The following DUSP22 variants were observed in gnomAD, a reference collection of about 807,000 sequenced individuals.
DUSP22 encodes dual specificity phosphatase 22.
Under a neutral mutation model 24.5 loss-of-function variants are expected in DUSP22, and 24 were observed. The ratio of observed to expected loss-of-function variants is 0.98; its 90% CI spans 0.71 to 1.38. The LOEUF (loss-of-function observed/expected upper bound fraction) is 1.38. Ranked by LOEUF, DUSP22 falls within the 40% of genes most tolerant of loss-of-function variation. The pLI, the probability that DUSP22 is intolerant of heterozygous loss-of-function variation, is 0.00. For synonymous variants in DUSP22, 160 were observed against 106.4 expected (o/e 1.50, Z -3.10); for missense variants, 330 against 269.2 (o/e 1.23, Z -1.58).
intron 4 of DUSP22, 89 bp downstream of exon 4, chr6:335,252 G>A (rs113060681): frequency 5.3e-5 from 81 of 1,527,196 alleles, no homozygotes; most frequent in Admixed American, 3.8e-4. Context: ...CTGTGAAGTT[G>A]TCAGAGCTCA....
chr6:319,225 G>GA (rs1169968999), intron 3 of DUSP22, among the ~76,000 whole-genome samples: 2 of 152,308 alleles, frequency 1.3e-5, no homozygotes, highest in Non-Finnish European at 2.9e-5. Flanking sequence ...AGAAAGAAGG[G>GA]AAGGGGGTCT....
chr6:332,905 C>G (rs1581179430), intron 3 of DUSP22, among the ~76,000 whole-genome samples: 1 of 152,296 alleles, frequency 6.6e-6, no homozygotes, highest in Admixed American at 6.5e-5. Flanking sequence ...ATTTCACAAG[C>G]TTCTGGACTG....
At chr6:345,451 C>A (rs1443998030) in intron 4 of DUSP22, among the ~76,000 whole-genome samples, 1 of 152,300 alleles carries the variant, frequency 6.6e-6, no homozygotes. Flanking sequence ...CTCAAGTGAT[C>A]CGCCTGCCTC....
intron 3 of DUSP22, among the ~76,000 whole-genome samples, chr6:321,697 A>T (rs904722103): frequency 2.6e-5 from 4 of 152,286 alleles, no homozygotes; most frequent in Non-Finnish European, 5.9e-5. Context: ...AAAAGAAAAA[A>T]TAATAATAAT....
intron 1 of DUSP22, among the ~76,000 whole-genome samples, chr6:295,821 C>G (rs201518299): frequency 6.7e-6 from 1 of 149,960 alleles, no homozygotes; most frequent in Admixed American, 6.7e-5. Flanking sequence ...AAAAAAAACC[C>G]AACAACAACA....
intron 4 of DUSP22, among the ~76,000 whole-genome samples, chr6:342,244 T>G (rs1759641347): frequency 6.6e-6 from 1 of 152,300 alleles, no homozygotes; most frequent in South Asian, 2.1e-4. Context: ...ATTTCTAGAT[T>G]TGCTTTTGCT....
rs977468383 is a variant in DUSP22, at chr6:292,487, A to G, written c.-53A>G. ...CCGCTCCTCCTCCCTGTAACATGCC[A>G]TAGTGCGCCTGCGACCACACGGCCG... On this transcript the variant is annotated 5_prime_UTR_variant, in exon 1 of 7. Coordinates refer to ENST00000419235, the MANE Select transcript of DUSP22 (RefSeq NM_001286555.3). The G allele has an allele frequency of 1.8e-5, 28 of 1,583,870 alleles. No homozygotes were observed. The African/African-American group carries it at 2.7e-4, about 15-fold the overall frequency.
intron 3 of DUSP22, among the ~76,000 whole-genome samples, chr6:328,322 C>T (rs1398936806): frequency 6.6e-6 from 1 of 152,310 alleles, no homozygotes; most frequent in African/African-American, 2.4e-5. Flanking sequence ...AGTGAATCTC[C>T]CTCACTGCCT....
intron 3 of DUSP22, among the ~76,000 whole-genome samples, chr6:316,913 A>G (rs574700462): frequency 4.4e-4 from 67 of 152,386 alleles, no homozygotes; most frequent in Middle Eastern, 3.4e-3. Flanking sequence ...TTGTATGTAT[A>G]TACCAGGTAG....
chr6:292,507 C>T lies in DUSP22; in HGVS notation c.-33C>T, dbSNP rs1394568346. The T allele has an allele frequency of 3.1e-6, 5 of 1,604,052 alleles. No individual in the cohort carries two copies. Among genetic ancestry groups the T allele is most frequent in the South Asian group, 1.1e-5 (1 of 90,298 alleles). ...ATGCCATAGTGCGCCTGCGACCACA[C>T]GGCCGGGGCGCTAGCGTTCGCCTTC... On this transcript the variant is annotated 5_prime_UTR_variant, in exon 1 of 7. It adds an upstream start codon to the 5' untranslated region. Coordinates refer to ENST00000419235, the MANE Select transcript of DUSP22 (RefSeq NM_001286555.3).
At chr6:321,812 T>C (rs987815567) in intron 3 of DUSP22, among the ~76,000 whole-genome samples, 1 of 152,422 alleles carries the variant, frequency 6.6e-6, no homozygotes, top group African/African-American at 2.4e-5. Context: ...AAGAGAGTCA[T>C]TTCTCAGACT....
intron 1 of DUSP22, among the ~76,000 whole-genome samples, chr6:294,379 G>C (rs1249611065): frequency 2.0e-5 from 3 of 152,276 alleles, no homozygotes; most frequent in African/African-American, 7.2e-5. Flanking sequence ...GAGTACAGTG[G>C]TAAATGACCC....
chr6:325,456 G>T (rs1353789076), intron 3 of DUSP22: 1 of 224,680 alleles, frequency 4.5e-6, no homozygotes, highest in African/African-American at 2.6e-5. Context: ...CATCTGCCCT[G>T]GGCTTCCGTA....
At chr6:330,987 C>G (rs1331740259) in intron 3 of DUSP22, among the ~76,000 whole-genome samples, 2 of 152,308 alleles carry the variant, frequency 1.3e-5, no homozygotes, top group Non-Finnish European at 2.9e-5. Flanking sequence ...TACTTCTTCC[C>G]CCTTTTCCTC....
intron 1 of DUSP22, among the ~76,000 whole-genome samples, chr6:296,285 T>G (rs1246028570): frequency 6.6e-6 from 1 of 152,298 alleles, no homozygotes; most frequent in African/African-American, 2.4e-5. Context: ...GTGTTTTGAG[T>G]ACTTTACCAC....
intron 3 of DUSP22, 149 bp from the exon 4 acceptor site, chr6:334,965 T>G: frequency 1.1e-6 from 1 of 928,998 alleles, no homozygotes; most frequent in Non-Finnish European, 1.6e-6. Context: ...AATTAGTTTT[T>G]CTGCAGTTCC....
At chr6:297,497 T>C (rs1185696045) in intron 1 of DUSP22, among the ~76,000 whole-genome samples, 1 of 152,306 alleles carries the variant, frequency 6.6e-6, no homozygotes, top group Non-Finnish European at 1.5e-5. Flanking sequence ...CCTCAACGGC[T>C]ACACCTGTAG....
chr6:311,842 A>G, intron 2 of DUSP22, 38 bp from the exon 3 acceptor site: 2 of 1,595,604 alleles, frequency 1.3e-6, no homozygotes, highest in East Asian at 2.3e-5. Flanking sequence ...TTAACTTGCA[A>G]AGATATCAAA....
chr6:336,726 GGAGGGGGGAT>G (rs1184073263), intron 4 of DUSP22, among the ~76,000 whole-genome samples: 1 of 152,302 alleles, frequency 6.6e-6, no homozygotes, highest in African/African-American at 2.4e-5. Flanking sequence ...TGAGGATGGT[GGAGGGGGGAT>G]TTTCCTAGGA....
Sources: allele counts gnomAD v4.1 joint callset (sites outside exome capture counted in the v4.1 genomes callset), GRCh38; gene constraint gnomAD v4.1.1; transcripts MANE v1.5; gene names NCBI Gene and HGNC (gene_info 2026-07-23, HGNC 2026-07-21).